The following OPHN1 variants were observed in gnomAD, a reference collection of about 807,000 sequenced individuals.
The protein encoded by OPHN1 is oligophrenin-1.
Under a neutral mutation model 60.7 loss-of-function variants are expected in OPHN1, and 11 were observed. The ratio of observed to expected loss-of-function variants is 0.18; its 90% CI spans 0.11 to 0.30. The LOEUF (loss-of-function observed/expected upper bound fraction) is 0.30, where lower values mean the gene tolerates loss of function less well. OPHN1 is among the 10% of genes least tolerant of loss of function. OPHN1 has a pLI of 1.00. For synonymous variants in OPHN1, 226 were observed against 222.6 expected, an observed-to-expected ratio of 1.02 and a Z score of -0.14; for missense variants, 449 against 611.0, an observed-to-expected ratio of 0.73 and a Z score of 2.80.
chrX:68,353,921 T>C (rs1466162428), intron 2 of OPHN1, among the ~76,000 whole-genome samples: 1 of 111,766 alleles, frequency 8.9e-6, no homozygotes, highest in Non-Finnish European at 1.9e-5. Context: ...CTTTCAATAT[T>C]ATTGACTTAA....
chrX:68,052,168 T>C (rs2076854513), intron 23 of OPHN1, among the ~76,000 whole-genome samples: 1 of 110,650 alleles, frequency 9.0e-6, no homozygotes, highest in Admixed American at 9.6e-5. Context: ...CGTGCACCTG[T>C]AGTCCCAGCT....
intron 10 of OPHN1, among the ~76,000 whole-genome samples, chrX:68,204,750 G>A (rs1017575269): frequency 1.8e-5 from 2 of 110,902 alleles, no homozygotes; most frequent in African/African-American, 6.6e-5. Flanking sequence ...TTTGCAAGCA[G>A]CTACTCAATG....
At chrX:68,219,682 T>A (rs1852813854) in intron 6 of OPHN1, among the ~76,000 whole-genome samples, 1 of 110,769 alleles carries the variant, frequency 9.0e-6, no homozygotes, top group Admixed American at 9.6e-5. Context: ...GAATGACTAC[T>A]GGGTACATAA....
intron 15 of OPHN1, among the ~76,000 whole-genome samples, chrX:68,171,279 TA>T (rs895208102): frequency 2.7e-5 from 3 of 109,497 alleles, no homozygotes; most frequent in South Asian, 3.8e-4. Context: ...TTAATAATTT[TA>T]AAAAAAATTT....
intron 5 of OPHN1, among the ~76,000 whole-genome samples, chrX:68,258,902 C>A (rs906934279): frequency 5.4e-5 from 6 of 111,974 alleles, no homozygotes; most frequent in African/African-American, 2.0e-4. Flanking sequence ...TCTGAACTAA[C>A]TCATTTTCCT....
chrX:68,396,951 ACT>A (rs1184149424), intron 2 of OPHN1, among the ~76,000 whole-genome samples: 1 of 111,404 alleles, frequency 9.0e-6, no homozygotes, highest in African/African-American at 3.3e-5. Context: ...GGGGCATAGG[ACT>A]CTCTCAGGAC....
At chrX:68,168,105 G>T (rs973481179) in intron 15 of OPHN1, among the ~76,000 whole-genome samples, 33 of 110,593 alleles carry the variant, frequency 3.0e-4, no homozygotes, top group Non-Finnish European at 5.7e-4. Context: ...GAGACAGAAC[G>T]TTAACAAGGA....
chrX:68,127,481 C>G (rs185126125), intron 15 of OPHN1, among the ~76,000 whole-genome samples: 5 of 111,258 alleles, frequency 4.5e-5, no homozygotes, highest in Non-Finnish European at 9.4e-5. Context: ...AGGTGGGGAG[C>G]GCTGATTTTA....
chrX:68,111,876 G>A lies in OPHN1; in HGVS notation c.1504C>T (p.Leu502Phe), dbSNP rs1460300853. 1 of 1,202,707 alleles carries A rather than the reference G, an allele frequency of 8.3e-7. No homozygotes were observed. Among genetic ancestry groups the A allele is most frequent in the East Asian group, 3.0e-5 (1 of 33,785 alleles). The change falls in exon 18 of 25, where the codon CTT (leucine) becomes TTT (phenylalanine). Residue 502 changes from leucine to phenylalanine, a missense_variant. By Grantham distance (22) the Leu-to-Phe change is conservative (BLOSUM62 0). Transcript: ENST00000355520. ...TACTTGACCAAGTGTCTTATCAGAA[G>A]TTCCAGCATCTCTCGGTTCTTTTCT... ...LPEKNREMLE[L>F]LIRHLVNVCE...
At chrX:68,347,010 A>G in intron 2 of OPHN1, among the ~76,000 whole-genome samples, 1 of 112,151 alleles carries the variant, frequency 8.9e-6, no homozygotes, top group Non-Finnish European at 1.9e-5. Flanking sequence ...ACCCCTTCCC[A>G]TTCACAAATA....
intron 13 of OPHN1, 21 bp from the exon 14 acceptor site, chrX:68,193,973 G>A: frequency 8.5e-7 from 1 of 1,176,237 alleles, no homozygotes; most frequent in Non-Finnish European, 1.2e-6. Context: ...CAAAGGAAAA[G>A]AGTTAGATCC....
At chrX:68,260,186 C>T (rs756888633) in intron 5 of OPHN1, among the ~76,000 whole-genome samples, 9 of 109,478 alleles carry the variant, frequency 8.2e-5, no homozygotes, top group Non-Finnish European at 1.5e-4. Flanking sequence ...TGGAGGTAAC[C>T]ACTAACCTGG....
chrX:68,060,005 T>C (rs1390490237), intron 21 of OPHN1, among the ~76,000 whole-genome samples: 3 of 111,681 alleles, frequency 2.7e-5, no homozygotes, highest in Non-Finnish European at 5.6e-5. Context: ...TTCATTTTTG[T>C]CTCTCCCTTT....
chrX:68,277,820 A>C (rs2077999746), intron 4 of OPHN1, among the ~76,000 whole-genome samples: 1 of 111,882 alleles, frequency 8.9e-6, no homozygotes, highest in African/African-American at 3.2e-5. Context: ...AATAAATGTA[A>C]TACCTAAGAA....
chrX:68,247,043 C>T (rs945433661), intron 5 of OPHN1, among the ~76,000 whole-genome samples: 59 of 111,564 alleles, frequency 5.3e-4, no homozygotes, highest in Admixed American at 5.2e-3. Context: ...GATGGCAACG[C>T]GTACTTTGAA....
intron 2 of OPHN1, among the ~76,000 whole-genome samples, chrX:68,358,428 T>C (rs910784928): frequency 1.3e-4 from 14 of 111,848 alleles, no homozygotes; most frequent in African/African-American, 4.5e-4. Flanking sequence ...ATGTGCTCGT[T>C]TTCCTAGATA....
intron 20 of OPHN1, among the ~76,000 whole-genome samples, chrX:68,069,409 T>C (rs777594261): frequency 8.9e-6 from 1 of 111,773 alleles, no homozygotes; most frequent in South Asian, 3.8e-4. Flanking sequence ...AATGAGACTA[T>C]GGAACAACAG....
chrX:68,224,108 A>C (rs1041136891), intron 6 of OPHN1, among the ~76,000 whole-genome samples: 4 of 111,813 alleles, frequency 3.6e-5, no homozygotes, highest in African/African-American at 1.3e-4. Flanking sequence ...ACTGAATCTA[A>C]CTGACATCTT....
At chrX:68,374,943 G>C (rs2078548762) in intron 2 of OPHN1, among the ~76,000 whole-genome samples, 1 of 111,937 alleles carries the variant, frequency 8.9e-6, no homozygotes, top group African/African-American at 3.2e-5. Context: ...TATTAGCAAG[G>C]CTAAAATAAC....
Sources: allele counts gnomAD v4.1 joint callset (sites outside exome capture counted in the v4.1 genomes callset), GRCh38; gene constraint gnomAD v4.1.1; transcripts MANE v1.5; gene names NCBI Gene and HGNC (gene_info 2026-07-23, HGNC 2026-07-21).